FRAS1: variants seen among roughly 807,000 people sequenced by gnomAD.
The protein encoded by FRAS1 is extracellular matrix organizing protein FRAS1.
In FRAS1, 290 loss-of-function variants were observed where a neutral mutation model predicts 435.2. That is an observed-to-expected ratio of 0.67 (90% confidence interval 0.61 to 0.73). The LOEUF (loss-of-function observed/expected upper bound fraction) is 0.73, where lower values mean the gene tolerates loss of function less well. Among genes scored for constraint, FRAS1 ranks in the 30% least tolerant of loss-of-function variants. FRAS1 has a pLI of 0.00. For missense variants in FRAS1, 4,860 were observed against 5,001.5 expected, an observed-to-expected ratio of 0.97 and a Z score of 0.85; for synonymous variants, 1,800 against 1,851.0, an observed-to-expected ratio of 0.97 and a Z score of 0.71.
chr4:78,181,191 G>A (rs1005625295), intron 2 of FRAS1: 81 of 1,607,018 alleles, frequency 5.0e-5, no homozygotes, highest in Middle Eastern at 3.3e-4. Flanking sequence ...ACTTTTGCCC[G>A]GTCCTTATTT....
intron 20 of FRAS1, among the ~76,000 whole-genome samples, chr4:78,340,238 A>G (rs1204578199): frequency 6.6e-5 from 10 of 152,192 alleles, no homozygotes; most frequent in Admixed American, 6.5e-4. Flanking sequence ...ATAAGCTGAA[A>G]AGGAAAATCT....
At chr4:78,490,360 TC>T (rs2109866529) in intron 59 of FRAS1, among the ~76,000 whole-genome samples, 1 of 152,322 alleles carries the variant, frequency 6.6e-6, no homozygotes, top group Admixed American at 6.5e-5. Context: ...TACATTCTTC[TC>T]AGCACCATAT....
At chr4:78,342,174 C>T (rs770646122) in intron 20 of FRAS1, among the ~76,000 whole-genome samples, 8 of 152,216 alleles carry the variant, frequency 5.3e-5, no homozygotes, top group African/African-American at 1.9e-4. Context: ...CCTGCTCTTT[C>T]GTGTATGTCC....
intron 59 of FRAS1, among the ~76,000 whole-genome samples, chr4:78,490,861 C>T (rs1720327642): frequency 1.8e-5 from 1 of 56,408 alleles, no homozygotes; most frequent in African/African-American, 6.2e-5. Flanking sequence ...TCAGTGAATC[C>T]AGGAGCTGGT....
At position 78,513,405 on chromosome 4, in the gene FRAS1, G is replaced by C; in HGVS notation, c.10027G>C (p.Val3343Leu). 2 of 1,613,646 alleles carry C rather than the reference G, an allele frequency of 1.2e-6. No individual in the cohort carries two copies. The part of the protein sequence containing the change: ...KEHPNRIHIS[V>L]QIPHQDGMLP... ...TTTTCCCCCTAGAATCCACATTTCG[G>C]TGCAGATCCCACACCAGGATGGAAT... Residue 3343 changes from valine (V) to leucine (L), a missense_variant, in exon 65 of 74, where the codon GTG becomes CTG. Coordinates refer to ENST00000512123, the MANE Select transcript of FRAS1 (RefSeq NM_025074.7).
intron 29 of FRAS1, among the ~76,000 whole-genome samples, chr4:78,391,611 C>G (rs932199313): frequency 2.6e-5 from 4 of 152,050 alleles, no homozygotes; most frequent in Admixed American, 2.6e-4. Flanking sequence ...TTTTTCCACT[C>G]TGGCAATACA....
At chr4:78,431,492 A>G (rs1653003496) in intron 37 of FRAS1, among the ~76,000 whole-genome samples, 1 of 152,242 alleles carries the variant, frequency 6.6e-6, no homozygotes, top group African/African-American at 2.4e-5. Context: ...GAAGGCTTAG[A>G]AGATGAATAG....
intron 27 of FRAS1, among the ~76,000 whole-genome samples, chr4:78,383,143 T>C (rs985465244): frequency 5.3e-5 from 8 of 152,208 alleles, no homozygotes; most frequent in African/African-American, 1.9e-4. Context: ...TAGCAGTCTC[T>C]GAAGCTGCTT....
chr4:78,134,229 T>G (rs977527742), intron 2 of FRAS1, among the ~76,000 whole-genome samples: 12 of 152,132 alleles, frequency 7.9e-5, no homozygotes, highest in African/African-American at 2.9e-4. Context: ...TTCCTCCCAC[T>G]GTTTTGAGCC....
At chr4:78,476,949 A>G (rs1397674297) in intron 54 of FRAS1, among the ~76,000 whole-genome samples, 1 of 151,328 alleles carries the variant, frequency 6.6e-6, no homozygotes, top group Non-Finnish European at 1.5e-5. Flanking sequence ...GCAAGTCCAT[A>G]GTCGTGGTTT....
intron 2 of FRAS1, chr4:78,180,983 C>G (rs1308890580): frequency 5.6e-6 from 9 of 1,610,620 alleles, no homozygotes; most frequent in Non-Finnish European, 7.6e-6. Context: ...CTTGTCCTCC[C>G]CTGCCGCCAC....
intron 20 of FRAS1, among the ~76,000 whole-genome samples, chr4:78,338,767 C>T (rs981652734): frequency 1.3e-5 from 2 of 152,188 alleles, no homozygotes; most frequent in Non-Finnish European, 2.9e-5. Context: ...TGGGATGGCG[C>T]TGACATCTCG....
rs563306092 is a variant in FRAS1 at position 78,116,332 on chromosome 4, G to A, written c.108+50316G>A. Reference sequence around the variant, plus strand: ...TTGATTTGGGGTGGAGAGTTCTGCAGATGTCTATTAGGTTGCCTTGGTGCA... The same window carrying A: ...TTGATTTGGGGTGGAGAGTTCTGCAAATGTCTATTAGGTTGCCTTGGTGCA... On this transcript the variant is annotated intron_variant, in intron 2 of 73. Coordinates refer to ENST00000512123, the MANE Select transcript of FRAS1 (RefSeq NM_025074.7). 6.6e-5 allele frequency among the ~76,000 whole-genome samples: 10 copies of A among 152,306 alleles called. 1 individual carries two copies. The South Asian group carries it at 2.1e-3, about 32-fold the overall frequency.
intron 2 of FRAS1, among the ~76,000 whole-genome samples, chr4:78,098,873 A>G (rs971517650): frequency 6.6e-6 from 1 of 152,172 alleles, no homozygotes; most frequent in Non-Finnish European, 1.5e-5. Context: ...GCCCAAATGA[A>G]TCTCTTTTGG....
chr4:78,146,586 G>T (rs1440735221), intron 2 of FRAS1, among the ~76,000 whole-genome samples: 4 of 152,020 alleles, frequency 2.6e-5, no homozygotes, highest in Non-Finnish European at 5.9e-5. Context: ...AATGATTTCA[G>T]TTATGGTCAA....
In FRAS1 at chr4:78,458,760, C is replaced by T. The variant is rs562266430; in HGVS notation, c.6764-5261C>T. Among the ~76,000 whole-genome samples, 3 of 152,232 alleles carry T rather than the reference C, an allele frequency of 2.0e-5. No individual in the cohort carries two copies. In the East Asian group the frequency reaches 5.8e-4, roughly 29 times the overall value. On this transcript the variant is annotated intron_variant, in intron 47 of 73. Coordinates refer to ENST00000512123, the MANE Select transcript of FRAS1 (RefSeq NM_025074.7). ...ACATAACCACCACCCCACCTCTGCA[C>T]AGATTGAATAAGATCAAATACTTGA...
intron 2 of FRAS1, among the ~76,000 whole-genome samples, chr4:78,083,626 GTTTT>G (rs35633131): frequency 1.8e-5 from 2 of 108,304 alleles, no homozygotes; most frequent in South Asian, 3.2e-4. Context: ...TGCAAGTTCT[GTTTT>G]TTTTTTTTTT....
At chr4:78,236,163 A>C (rs1724745910) in intron 2 of FRAS1, among the ~76,000 whole-genome samples, 1 of 152,172 alleles carries the variant, frequency 6.6e-6, no homozygotes, top group Non-Finnish European at 1.5e-5. Context: ...AGAACAGGAA[A>C]GAGGAGGCTG....
In FRAS1 at chr4:78,267,232, G is replaced by A. The variant is rs374385888; in HGVS notation, c.790-9G>A. 6.2e-7 allele frequency: 1 copy of A among 1,612,762 alleles called. No homozygotes were observed. Among genetic ancestry groups the A allele is most frequent in the Non-Finnish European group, 8.5e-7 (1 of 1,179,430 alleles). ...AGGACTGCCCCTCACCTTCCTCTCTGTGTCCTAGGGTCAGAGCAGGGCTCG... is the reference window on the plus strand; with the variant it reads ...AGGACTGCCCCTCACCTTCCTCTCTATGTCCTAGGGTCAGAGCAGGGCTCG... On this transcript the variant is annotated splice_polypyrimidine_tract_variant and intron_variant, in intron 8 of 73. Transcript: ENST00000512123.
Sources: gnomAD v4.1 joint callset for allele counts (sites outside exome capture counted in the v4.1 genomes callset) on GRCh38, gnomAD v4.1.1 for gene constraint, MANE v1.5 for transcripts, NCBI Gene and HGNC (gene_info 2026-07-23, HGNC 2026-07-21) for gene names.